The following CALB2 variants were observed in gnomAD, a reference collection of about 807,000 sequenced individuals.
The protein encoded by CALB2 is calbindin 2.
CALB2 carries 34 observed loss-of-function variants against 45.9 expected under a neutral mutation model. That is an observed-to-expected ratio of 0.74 (90% confidence interval 0.56 to 0.99). CALB2 has a LOEUF of 0.99. Among genes scored for constraint, CALB2 ranks in the 50% least tolerant of loss-of-function variants. The pLI, the probability that CALB2 is intolerant of heterozygous loss-of-function variation, is 0.00. For synonymous variants in CALB2, 142 were observed against 129.6 expected, an observed-to-expected ratio of 1.10 and a Z score of -0.65; for missense variants, 344 against 339.3, an observed-to-expected ratio of 1.01 and a Z score of -0.11.
chr16:71,385,161 G>A (rs1210029307), intron 9 of CALB2, among the ~76,000 whole-genome samples: 1 of 152,154 alleles, frequency 6.6e-6, no homozygotes, highest in Admixed American at 6.5e-5. Flanking sequence ...ATTCTGCCCA[G>A]GGCCAAGTCT....
chr16:71,365,735 G>A (rs1003783869), intron 1 of CALB2, among the ~76,000 whole-genome samples: 4 of 151,978 alleles, frequency 2.6e-5, no homozygotes, highest in African/African-American at 7.3e-5. Flanking sequence ...TACTGAATTA[G>A]GATCTCCACT....
chr16:71,386,869 T>C (rs1413625175), intron 10 of CALB2, among the ~76,000 whole-genome samples: 1 of 152,220 alleles, frequency 6.6e-6, no homozygotes, highest in African/African-American at 2.4e-5. Flanking sequence ...TTATTTCATC[T>C]TTTTTATTTA....
At chr16:71,388,453 C>A (rs1021522699) in intron 10 of CALB2, among the ~76,000 whole-genome samples, 3 of 151,954 alleles carry the variant, frequency 2.0e-5, no homozygotes, top group Admixed American at 6.6e-5. Context: ...TTGATGATGA[C>A]CTTGCTATAT....
At chr16:71,365,241 G>T (rs2042271993) in intron 1 of CALB2, among the ~76,000 whole-genome samples, 1 of 152,162 alleles carries the variant, frequency 6.6e-6, no homozygotes. Context: ...GCTTAACGAG[G>T]AAATTCCTTA....
chr16:71,378,536 T>C (rs1350156433), intron 4 of CALB2, among the ~76,000 whole-genome samples: 1 of 151,810 alleles, frequency 6.6e-6, no homozygotes, highest in Non-Finnish European at 1.5e-5. Flanking sequence ...CAAGACCCTA[T>C]CTCAAATTAA....
At chr16:71,377,321 C>A (rs2042427985) in intron 3 of CALB2, among the ~76,000 whole-genome samples, 1 of 152,188 alleles carries the variant, frequency 6.6e-6, no homozygotes, top group Admixed American at 6.5e-5. Flanking sequence ...TTACCCCAGG[C>A]AACCACCCAT....
At chr16:71,376,643 A>T (rs561878537) in intron 3 of CALB2, among the ~76,000 whole-genome samples, 107 of 152,130 alleles carry the variant, frequency 7.0e-4, no homozygotes, top group Non-Finnish European at 7.5e-4. Context: ...ATGCAACCAC[A>T]TGTGCCCACA....
chr16:71,382,820 G>C, intron 5 of CALB2, 45 bp downstream of exon 5: 1 of 1,545,914 alleles, frequency 6.5e-7, no homozygotes, highest in South Asian at 1.2e-5. Context: ...GTGGCGGTGG[G>C]CTTAAGGTGC....
intron 4 of CALB2, among the ~76,000 whole-genome samples, chr16:71,380,666 G>A (rs1289421755): frequency 1.3e-5 from 2 of 152,028 alleles, no homozygotes; most frequent in Non-Finnish European, 2.9e-5. Flanking sequence ...AACTGCAGAG[G>A]AGACATGCCC....
At chr16:71,375,218 T>C (rs1290225069) in intron 3 of CALB2, among the ~76,000 whole-genome samples, 1 of 152,216 alleles carries the variant, frequency 6.6e-6, no homozygotes, top group East Asian at 1.9e-4. Flanking sequence ...TACACACATA[T>C]ATACATTTAT....
At chr16:71,380,165 G>A (rs894052941) in intron 4 of CALB2, among the ~76,000 whole-genome samples, 2 of 151,870 alleles carry the variant, frequency 1.3e-5, no homozygotes, top group Admixed American at 6.6e-5. Flanking sequence ...GGGGGGGCAG[G>A]GATGCTTACA....
chr16:71,361,429 T>C (rs1422236542), intron 1 of CALB2, among the ~76,000 whole-genome samples: 2 of 152,200 alleles, frequency 1.3e-5, no homozygotes, highest in Non-Finnish European at 2.9e-5. Flanking sequence ...CCAGCCCTGT[T>C]TAGGCCTCTC....
chr16:71,385,106 G>A (rs1041428528), intron 9 of CALB2, among the ~76,000 whole-genome samples: 1 of 152,182 alleles, frequency 6.6e-6, no homozygotes, highest in Non-Finnish European at 1.5e-5. Context: ...GCTGTCGGGA[G>A]CCAAAGGGAA....
chr16:71,375,080 C>A (rs1419009132), intron 3 of CALB2, among the ~76,000 whole-genome samples: 1 of 152,234 alleles, frequency 6.6e-6, no homozygotes, highest in East Asian at 1.9e-4. Context: ...CAGGGGCCAA[C>A]AGGTATTGTA....
chr16:71,385,293 C>A, intron 9 of CALB2: 1 of 402,248 alleles, frequency 2.5e-6, no homozygotes, highest in Non-Finnish European at 4.5e-6. Context: ...TAAATAGCCC[C>A]CGGACTCAGG....
intron 1 of CALB2, among the ~76,000 whole-genome samples, chr16:71,366,845 CATAA>C (rs1259961046): frequency 1.3e-5 from 2 of 152,120 alleles, no homozygotes; most frequent in African/African-American, 4.8e-5. Context: ...GTAGAGAGGG[CATAA>C]ATAGTTATGC....
intron 5 of CALB2, 87 bp from the exon 6 acceptor site, chr16:71,383,278 TGA>T: frequency 8.6e-7 from 1 of 1,164,586 alleles, no homozygotes; most frequent in Non-Finnish European, 1.3e-6. Flanking sequence ...ACACACACAT[TGA>T]GAGACTGTCT....
rs1040234520 is a variant in CALB2 at position 71,384,238 on chromosome 16, A to G, written c.534-101A>G. The G allele has an allele frequency of 3.6e-6, 4 of 1,110,024 alleles. No individual in the cohort carries two copies. The African/African-American group carries it at 6.2e-5, about 17-fold the overall frequency. 68.8% of individuals were successfully genotyped at this position (1,110,024 alleles called of 1,614,324 possible). A position where few individuals can be genotyped will look rare whatever the true frequency, so the allele number is the denominator to read the frequency against. On this transcript the variant is annotated intron_variant, in intron 7 of 10. Transcript: ENST00000302628. ...GATTCATTATGTGTGAAGTGCTCAG[A>G]AATCATTTCTGTAACTGCAGGCACC...
intron 2 of CALB2, 31 bp downstream of exon 2, chr16:71,372,260 G>C (rs1050426188): frequency 2.6e-6 from 4 of 1,537,394 alleles, no homozygotes; most frequent in South Asian, 1.1e-5. Flanking sequence ...GATTGTGTGG[G>C]ATTTTCCTGA....
Sources: allele counts gnomAD v4.1 joint callset (sites outside exome capture counted in the v4.1 genomes callset), GRCh38; gene constraint gnomAD v4.1.1; transcripts MANE v1.5; gene names NCBI Gene and HGNC (gene_info 2026-07-23, HGNC 2026-07-21).